The following AKAP9 variants were observed in gnomAD, a reference collection of about 807,000 sequenced individuals.
AKAP9 encodes A-kinase anchor protein 9.
Under a neutral mutation model 488.5 loss-of-function variants are expected in AKAP9, and 311 were observed. The observed-to-expected ratio is 0.64, with a 90% CI of 0.58 to 0.70. AKAP9 has a LOEUF of 0.70. AKAP9 is among the 30% of genes least tolerant of loss of function. The pLI is 0.00. For synonymous variants in AKAP9, 1,462 were observed against 1,483.5 expected, an observed-to-expected ratio of 0.99 and a Z score of 0.33; for missense variants, 4,215 against 4,374.5, an observed-to-expected ratio of 0.96 and a Z score of 1.03.
chr7:92,066,880 C>T (rs1343268190), intron 26 of AKAP9, among the ~76,000 whole-genome samples: 1 of 152,160 alleles, frequency 6.6e-6, no homozygotes, highest in Non-Finnish European at 1.5e-5. Context: ...TACTAGTCCA[C>T]TCCAGTGAAG....
At chr7:92,100,832 G>A (rs191938651) in intron 44 of AKAP9, 24 bp from the exon 45 acceptor site, 2 of 1,613,598 alleles carry the variant, frequency 1.2e-6, no homozygotes, top group Admixed American at 1.7e-5. Flanking sequence ...AGAGACTTGT[G>A]TAAGTAGGCT....
Position 92,083,476 on chromosome 7 carries a change from C to A in AKAP9, c.8467C>A (p.Gln2823Lys). ...AGAAGAAGTTACTGAAATAATCAGTCAGTTTACTGAAAAAATTGAGAAGAT... is the reference window on the plus strand; with the variant it reads ...AGAAGAAGTTACTGAAATAATCAGTAAGTTTACTGAAAAAATTGAGAAGAT... Reference protein sequence around the residue: ...SSEEVTEIISQFTEKIEKMQE... With the variant: ...SSEEVTEIISKFTEKIEKMQE... Residue 2823 changes from glutamine to lysine, a missense_variant, in exon 33 of 50, where the codon CAG (glutamine) becomes AAG (lysine). Gln to Lys is a moderately conservative substitution (Grantham distance 53). Transcript: ENST00000356239. The A allele has an allele frequency of 6.2e-7, 1 of 1,612,688 alleles. No individual in the cohort carries two copies. Among genetic ancestry groups the A allele is most frequent in the South Asian group, 1.1e-5 (1 of 90,686 alleles).
rs574936093 is a variant in AKAP9 at position 92,043,435 on chromosome 7, T to G, written c.5162+664T>G. ...AATAAACACTTTGTTTATTTTATAT[T>G]ATTTATCTCTAATTGGTAAATTTTG... On this transcript the variant is annotated intron_variant, in intron 20 of 49. Transcript: ENST00000356239. The G allele has an allele frequency of 4.5e-6, 3 of 674,022 alleles. No homozygotes were observed. In the Admixed American group the frequency reaches 1.9e-4, roughly 42 times the overall value. The allele number at this position is 674,022 out of a possible 1,614,324, so 41.8% of individuals were successfully genotyped here.
chr7:92,033,170 A>T (rs558574767), intron 16 of AKAP9, among the ~76,000 whole-genome samples: 1 of 152,318 alleles, frequency 6.6e-6, no homozygotes, highest in Non-Finnish European at 1.5e-5. Context: ...ACTCAAGCTG[A>T]TAGCAGAGCA....
chr7:91,991,537 T>A (rs1797754003), intron 3 of AKAP9, among the ~76,000 whole-genome samples: 1 of 151,206 alleles, frequency 6.6e-6, no homozygotes, highest in Admixed American at 6.6e-5. Flanking sequence ...AGTGGCTCGA[T>A]CTCAGCTCAC....
chr7:92,085,362 G>C (rs1213812236), intron 35 of AKAP9, 133 bp from the exon 36 acceptor site: 1 of 834,040 alleles, frequency 1.2e-6, no homozygotes, highest in Non-Finnish European at 1.9e-6. Flanking sequence ...CAGGAAGAAG[G>C]CATTCAGTAA....
chr7:92,032,726 T>C (rs534610193), intron 16 of AKAP9, among the ~76,000 whole-genome samples: 16 of 152,298 alleles, frequency 1.1e-4, no homozygotes, highest in Admixed American at 2.0e-4. Flanking sequence ...TAAGGACTTA[T>C]TCACTTATGC....
chr7:91,995,533 C>T, intron 6 of AKAP9, 70 bp from the exon 7 acceptor site: 2 of 1,426,458 alleles, frequency 1.4e-6, no homozygotes, highest in Non-Finnish European at 2.0e-6. Flanking sequence ...GCAGGGACAC[C>T]CCAAAGGTGT....
intron 11 of AKAP9, 95 bp downstream of exon 11, chr7:92,016,362 C>T: frequency 1.1e-6 from 1 of 916,726 alleles, no homozygotes; most frequent in African/African-American, 1.7e-5. Context: ...AATCACCCAG[C>T]CAAGTTGTTT....
intron 7 of AKAP9, among the ~76,000 whole-genome samples, chr7:91,999,553 C>T (rs1040245968): frequency 6.6e-6 from 1 of 152,052 alleles, no homozygotes; most frequent in African/African-American, 2.4e-5. Flanking sequence ...ATTTTAAAAG[C>T]CACATAATAA....
At chr7:92,107,557 C>A in intron 48 of AKAP9, 135 bp downstream of exon 48, 1 of 923,508 alleles carries the variant, frequency 1.1e-6, no homozygotes. Context: ...CATAATATGA[C>A]CAAGTGCGGT....
intron 8 of AKAP9, among the ~76,000 whole-genome samples, chr7:92,004,963 A>T (rs1799626133): frequency 6.6e-6 from 1 of 152,220 alleles, no homozygotes; most frequent in Admixed American, 6.5e-5. Context: ...TTTGTCATAA[A>T]TAGCTCTTAC....
At chr7:92,041,197 T>C (rs1806054676) in intron 18 of AKAP9, 1 of 335,452 alleles carries the variant, frequency 3.0e-6, no homozygotes, top group African/African-American at 2.1e-5. Flanking sequence ...TTTTGTTTTT[T>C]TCTTTTAAAT....
rs150138799 is a variant in AKAP9, at chr7:92,102,731, G to C, written c.11235G>C (p.Gly3745=). The C allele has an allele frequency of 6.4e-5, 104 of 1,614,076 alleles. No homozygotes were observed. Among genetic ancestry groups the C allele is most frequent in the Non-Finnish European group, 7.1e-5 (84 of 1,180,034 alleles). Residue 3745 remains glycine, a synonymous_variant, in exon 46 of 50, where the codon GGG becomes GGC. Coordinates refer to ENST00000356239, the MANE Select transcript of AKAP9 (RefSeq NM_005751.5). ...ATLALLARMG[G]QPAFTDLEVI... is the part of the protein sequence containing the mutation. ...TGGCCCTGCTTGCCCGGATGGGGGG[G>C]CAGCCAGCTTTCACGGATCTAGAGG...
intron 1 of AKAP9, among the ~76,000 whole-genome samples, chr7:91,945,552 G>C (rs1435026880): frequency 6.6e-6 from 1 of 152,164 alleles, no homozygotes; most frequent in Non-Finnish European, 1.5e-5. Flanking sequence ...AGCCTGCCCA[G>C]TGGGCTTTAG....
At chr7:91,992,519 C>G (rs546612490) in intron 4 of AKAP9, among the ~76,000 whole-genome samples, 1 of 151,944 alleles carries the variant, frequency 6.6e-6, no homozygotes, top group Non-Finnish European at 1.5e-5. Context: ...CAAAAATTAG[C>G]CGGGCATGGT....
intron 32 of AKAP9, 115 bp downstream of exon 32, chr7:92,082,777 G>A (rs1023826395): frequency 8.2e-7 from 1 of 1,212,552 alleles, no homozygotes; most frequent in Non-Finnish European, 1.2e-6. Context: ...TAGATAAAAA[G>A]TATTTTGTGG....
rs1810026806 is a variant in AKAP9 at position 92,062,363 on chromosome 7, T to G, written c.5854T>G (p.Leu1952Val). The G allele has an allele frequency of 1.2e-6, 2 of 1,613,606 alleles. No individual in the cohort carries two copies. Among genetic ancestry groups the G allele is most frequent in the Non-Finnish European group, 1.7e-6 (2 of 1,179,798 alleles). ...TDIIDRLEQE[L>V]LCASNRLQEL... is the part of the protein sequence containing the mutation. ...TATAATAGATCGTCTTGAGCAGGAGTTGTTATGTGCAAGTAACAGGTTGCA... is the reference window on the plus strand; with the variant it reads ...TATAATAGATCGTCTTGAGCAGGAGGTGTTATGTGCAAGTAACAGGTTGCA... Residue 1952 changes from leucine to valine, a missense_variant, in exon 24 of 50, where the codon TTG (leucine) becomes GTG (valine). This residue lies in a region of AKAP9 where 2,361 missense variants were observed against 2,430.0 expected (regional missense o/e 0.97). Coordinates refer to ENST00000356239, the MANE Select transcript of AKAP9 (RefSeq NM_005751.5).
chr7:92,077,734 T>C lies in AKAP9; in HGVS notation c.6804T>C (p.Ser2268=), dbSNP rs1812845111. 1 of 1,613,756 alleles carries C rather than the reference T, an allele frequency of 6.2e-7. No individual in the cohort carries two copies. The highest frequency in any genetic ancestry group is 8.5e-7 in the Non-Finnish European group (1 of 1,179,904). ...AACTGGGACTTGCCATAAAGGAATC[T>C]GATGCCATGTCTACTCAAGACCAAC... ...MEKLGLAIKE[S]DAMSTQDQHV... is the part of the protein sequence containing the mutation. The change falls in exon 30 of 50, where the codon TCT becomes TCC. Residue 2268 remains serine, a synonymous_variant. Coordinates refer to ENST00000356239, the MANE Select transcript of AKAP9 (RefSeq NM_005751.5).
Sources: gnomAD v4.1 joint callset for allele counts (sites outside exome capture counted in the v4.1 genomes callset) on GRCh38, gnomAD v4.1.1 for gene constraint, gnomAD v4.1.1 regional missense constraint, MANE v1.5 for transcripts, NCBI Gene and HGNC (gene_info 2026-07-23, HGNC 2026-07-21) for gene names.